C2orf66: variants seen among roughly 807,000 people sequenced by gnomAD.
C2orf66 encodes the protein chromosome 2 open reading frame 66.
In C2orf66, 6 loss-of-function variants were observed where a neutral mutation model predicts 7.0. The ratio of observed to expected loss-of-function variants is 0.86; its 90% CI spans 0.47 to 1.69. The LOEUF is 1.69. Ranked by LOEUF, C2orf66 falls within the 40% of genes most tolerant of loss-of-function variation. The pLI is 0.01. For synonymous variants in C2orf66, 38 were observed against 43.8 expected (o/e 0.87, Z 0.52); for missense variants, 107 against 112.0 (o/e 0.96, Z 0.20).
At chr2:196,817,336 G>A in the C2orf66 span, among the ~76,000 whole-genome samples, 2 of 148,052 alleles carry the variant, frequency 1.4e-5, no homozygotes, top group African/African-American at 5.1e-5. Flanking sequence ...CTGGGTTCAT[G>A]CCATTCTCCT....
chr2:196,811,586 C>T (rs977558214), upstream of C2orf66, among the ~76,000 whole-genome samples: 1 of 152,012 alleles, frequency 6.6e-6, no homozygotes, highest in African/African-American at 2.4e-5. Context: ...GTGCCATTCA[C>T]CAAGATATCA....
At chr2:196,807,679 G>T (rs1403275597) in intron 1 of C2orf66, 57 bp from the exon 2 acceptor site, 54 of 1,417,968 alleles carry the variant, frequency 3.8e-5, no homozygotes, top group Non-Finnish European at 4.2e-5. Context: ...CAAAAATAAA[G>T]GTGTTTTTCT....
At chr2:196,829,980 C>T in the C2orf66 span, among the ~76,000 whole-genome samples, 2 of 152,134 alleles carry the variant, frequency 1.3e-5, no homozygotes, top group Non-Finnish European at 2.9e-5. Flanking sequence ...GCAGATAATT[C>T]GTAAACGTTC....
At chr2:196,827,636 G>A in the C2orf66 span, among the ~76,000 whole-genome samples, 2 of 152,190 alleles carry the variant, frequency 1.3e-5, no homozygotes, top group Non-Finnish European at 2.9e-5. Flanking sequence ...TGTAGTTGCA[G>A]AGTGAAGAGG....
At chr2:196,818,202 C>A in the C2orf66 span, among the ~76,000 whole-genome samples, 1 of 152,222 alleles carries the variant, frequency 6.6e-6, no homozygotes, top group Non-Finnish European at 1.5e-5. Flanking sequence ...CCTGCGACAC[C>A]TGAGACCACA....
At chr2:196,828,450 T>C in the C2orf66 span, among the ~76,000 whole-genome samples, 1 of 152,180 alleles carries the variant, frequency 6.6e-6, no homozygotes, top group Non-Finnish European at 1.5e-5. Flanking sequence ...CCATGTCACG[T>C]GTAGCATGCG....
At chr2:196,829,526 T>C in the C2orf66 span, among the ~76,000 whole-genome samples, 7 of 150,542 alleles carry the variant, frequency 4.6e-5, no homozygotes, top group African/African-American at 7.3e-5. Context: ...GGGGCAAAGG[T>C]TGCAGTGAGC....
At chr2:196,828,208 AATCTCT>A in the C2orf66 span, among the ~76,000 whole-genome samples, 4 of 145,076 alleles carry the variant, frequency 2.8e-5, no homozygotes, top group Non-Finnish European at 6.0e-5. Context: ...GACGAATCAA[AATCTCT>A]CTCTCTCTCT....
chr2:196,827,238 C>CAAA, the C2orf66 span, among the ~76,000 whole-genome samples: 3 of 40,504 alleles, frequency 7.4e-5, no homozygotes, highest in African/African-American at 1.8e-4. Context: ...GATTCTGTCT[C>CAAA]AAAAAAAAAA....
rs546569656 is a variant in C2orf66 at position 196,805,263 on chromosome 2, A to T, written c.*165T>A. On this transcript the variant is annotated 3_prime_UTR_variant, in exon 3 of 3. Coordinates refer to ENST00000342506, the MANE Select transcript of C2orf66 (RefSeq NM_213608.3). ...AGAAATCATAGTTCCAGCGATTTAT[A>T]TGTAAATATGGAAATGTGGAATAAA... The T allele has an allele frequency of 6.6e-6, 1 of 152,204 alleles. No individual in the cohort carries two copies. The highest frequency in any genetic ancestry group is 1.5e-5 in the Non-Finnish European group (1 of 68,028). 9.4% of individuals were successfully genotyped at this position (152,204 alleles called of 1,614,324 possible). A position where few individuals can be genotyped will look rare whatever the true frequency, so the allele number is the denominator to read the frequency against.
chr2:196,808,144 A>C (rs1255955195), intron 1 of C2orf66, among the ~76,000 whole-genome samples: 5 of 152,226 alleles, frequency 3.3e-5, no homozygotes, highest in Admixed American at 2.6e-4. Context: ...AAAGAATTTA[A>C]GGGCAGGCTG....
At chr2:196,813,387 G>A (rs1182126081), upstream of C2orf66, among the ~76,000 whole-genome samples, 1 of 152,192 alleles carries the variant, frequency 6.6e-6, no homozygotes, top group East Asian at 1.9e-4. Flanking sequence ...GTAGAAAGCT[G>A]AAACTGGATC....
At chr2:196,819,832 G>T in the C2orf66 span, among the ~76,000 whole-genome samples, 1 of 152,150 alleles carries the variant, frequency 6.6e-6, no homozygotes, top group African/African-American at 2.4e-5. Flanking sequence ...ATTCACCAGA[G>T]ATTTACATAA....
At chr2:196,822,404 A>G in the C2orf66 span, among the ~76,000 whole-genome samples, 1 of 152,232 alleles carries the variant, frequency 6.6e-6, no homozygotes, top group Non-Finnish European at 1.5e-5. Flanking sequence ...TCAAAAGTGC[A>G]TTCTGTAAGT....
chr2:196,811,171 A>T (rs1699871784), upstream of C2orf66, among the ~76,000 whole-genome samples: 1 of 152,206 alleles, frequency 6.6e-6, no homozygotes, highest in Non-Finnish European at 1.5e-5. Flanking sequence ...CCAGGCGTAG[A>T]GGGAGCAGGT....
chr2:196,804,578 C>T lies in C2orf66; in HGVS notation c.*850G>A, dbSNP rs1322965629. On this transcript the variant is annotated 3_prime_UTR_variant, in exon 3 of 3. Coordinates refer to ENST00000342506, the MANE Select transcript of C2orf66 (RefSeq NM_213608.3). ...ATCACAGAGAAGATGATGCAGCTAT[C>T]TATAAAGATACAGGAAAAGCAGCTA... is the stretch of plus-strand genomic sequence containing the variant. Among the ~76,000 whole-genome samples, 1 of 152,150 alleles carries T rather than the reference C, an allele frequency of 6.6e-6. No individual in the cohort carries two copies. Among genetic ancestry groups the T allele is most frequent in the Non-Finnish European group, 1.5e-5 (1 of 68,028 alleles).
At chr2:196,811,073 C>A (rs559158817), upstream of C2orf66, among the ~76,000 whole-genome samples, 2 of 152,176 alleles carry the variant, frequency 1.3e-5, no homozygotes, top group Non-Finnish European at 2.9e-5. Context: ...GTTACCCAGG[C>A]AACCTGAGGA....
At chr2:196,829,887 A>G in the C2orf66 span, among the ~76,000 whole-genome samples, 1 of 152,266 alleles carries the variant, frequency 6.6e-6, no homozygotes, top group Admixed American at 6.5e-5. Flanking sequence ...ACAGAGCGAG[A>G]CTCCATCTCA....
At chr2:196,808,679 A>C (rs62185626) in intron 1 of C2orf66, among the ~76,000 whole-genome samples, 17,155 of 152,192 alleles carry the variant, frequency 0.11, 1,044 homozygotes, top group Non-Finnish European at 0.14. Context: ...TGTTTATTGT[A>C]TTTGGCATTT....
Sources: allele counts gnomAD v4.1 joint callset (sites outside exome capture counted in the v4.1 genomes callset), GRCh38; gene constraint gnomAD v4.1.1; transcripts MANE v1.5; gene names NCBI Gene and HGNC (gene_info 2026-07-23, HGNC 2026-07-21).